FRMPD1: variants seen among roughly 807,000 people sequenced by gnomAD.
FRMPD1 encodes the protein FERM and PDZ domain containing 1.
FRMPD1 carries 76 observed loss-of-function variants against 117.8 expected under a neutral mutation model. The observed-to-expected ratio is 0.65, with a 90% CI of 0.54 to 0.78. The LOEUF (loss-of-function observed/expected upper bound fraction) is 0.78. Ranked by LOEUF, FRMPD1 falls within the 30% of genes least tolerant of loss-of-function variation. The pLI is 0.00. For synonymous variants in FRMPD1, 783 were observed against 770.4 expected, an observed-to-expected ratio of 1.02 and a Z score of -0.27; for missense variants, 1,786 against 1,964.5, an observed-to-expected ratio of 0.91 and a Z score of 1.72.
At chr9:37,705,960 A>AAAATAAATAAATAAAT (rs59737991) in intron 2 of FRMPD1, among the ~76,000 whole-genome samples, 58 of 139,100 alleles carry the variant, frequency 4.2e-4, no homozygotes, top group South Asian at 1.7e-3. Context: ...ACCCTCCCTC[A>AAAATAAATAAATAAAT]AAATAAATAA....
chr9:37,744,084 G>T (rs1443284130), intron 15 of FRMPD1, among the ~76,000 whole-genome samples: 1 of 151,942 alleles, frequency 6.6e-6, no homozygotes, highest in Non-Finnish European at 1.5e-5. Flanking sequence ...AGCTACTCCG[G>T]GGGGATGAGG....
chr9:37,675,313 C>T (rs1057064024), intron 1 of FRMPD1, among the ~76,000 whole-genome samples: 10 of 151,660 alleles, frequency 6.6e-5, no homozygotes, highest in African/African-American at 2.2e-4. Context: ...TCCAGCTACT[C>T]GGGTGGCTGA....
chr9:37,638,034 C>CTTTCTTTCTTTCTTTCTTTCTTTCT, the FRMPD1 span, among the ~76,000 whole-genome samples: 18 of 64,004 alleles, frequency 2.8e-4, 1 homozygote, highest in African/African-American at 1.1e-3. Context: ...CTCTCTCTTT[C>CTTTCTTTCTTTCTTTCTTTCTTTCT]TTCCTTTCTT....
intron 3 of FRMPD1, 35 bp downstream of exon 3, chr9:37,707,608 G>A: frequency 6.4e-7 from 1 of 1,573,526 alleles, no homozygotes; most frequent in Non-Finnish European, 8.7e-7. Context: ...AAGGAGTTTG[G>A]TTTCTTAAGG....
At chr9:37,687,075 G>A (rs905123243) in intron 1 of FRMPD1, among the ~76,000 whole-genome samples, 2 of 152,124 alleles carry the variant, frequency 1.3e-5, no homozygotes, top group African/African-American at 2.4e-5. Context: ...CGTCATCCTC[G>A]TGTCCCTTCT....
chr9:37,607,456 AG>A, the FRMPD1 span, among the ~76,000 whole-genome samples: 2 of 152,180 alleles, frequency 1.3e-5, no homozygotes, highest in South Asian at 2.1e-4. Context: ...AACAAGGATT[AG>A]GGGAAAAAGC....
Position 37,678,251 on chromosome 9 carries a change from C to CTTTT in FRMPD1, c.-4-14362_-4-14359dup, listed in dbSNP as rs34040451. 2.6e-3 allele frequency among the ~76,000 whole-genome samples: 206 copies of CTTTT among 79,818 alleles called. 19 individuals are homozygous for CTTTT. The highest frequency in any genetic ancestry group is 0.01 in the African/African-American group (197 of 19,390). 52.4% of individuals were successfully genotyped at this position (79,818 alleles called of 152,430 possible). A position where few individuals can be genotyped will look rare whatever the true frequency, so the allele number is the denominator to read the frequency against. Reference sequence around the variant, plus strand: ...CTCTTTTCCCCTCTAGTACTTACCACTTTTTTTTTTTTTTTTTTTTTTTTT... The same window carrying CTTTT: ...CTCTTTTCCCCTCTAGTACTTACCACTTTTTTTTTTTTTTTTTTTTTTTTTTTTT... On this transcript the variant is annotated intron_variant, in intron 1 of 15. Transcript: ENST00000377765.
intron 1 of FRMPD1, chr9:37,668,446 A>G (rs1408996192): frequency 1.3e-5 from 2 of 152,226 alleles, no homozygotes; most frequent in Non-Finnish European, 2.9e-5. Context: ...TTGTGGCCGC[A>G]ATGTTGGGAA....
the FRMPD1 span, among the ~76,000 whole-genome samples, chr9:37,610,794 G>T: frequency 6.6e-6 from 1 of 151,820 alleles, no homozygotes; most frequent in Non-Finnish European, 1.5e-5. Context: ...GCAGAGATGG[G>T]GTTTCTCCAT....
intron 1 of FRMPD1, among the ~76,000 whole-genome samples, chr9:37,657,984 T>C (rs1820890074): frequency 6.6e-6 from 1 of 152,058 alleles, no homozygotes; most frequent in Admixed American, 6.5e-5. Context: ...TCGGCAATGG[T>C]TGCCCCATTG....
At chr9:37,729,250 G>GCA in intron 7 of FRMPD1, among the ~76,000 whole-genome samples, 1 of 151,620 alleles carries the variant, frequency 6.6e-6, no homozygotes, top group African/African-American at 2.4e-5. Context: ...AGGCATGGTG[G>GCA]CATGTGCCTA....
At position 37,746,501 on chromosome 9, in the gene FRMPD1, T is replaced by A. The variant is rs1236447393; in HGVS notation, c.4469T>A (p.Val1490Glu). 6.2e-7 allele frequency: 1 copy of A among 1,613,564 alleles called. No individual in the cohort carries two copies. The highest frequency in any genetic ancestry group is 2.2e-5 in the East Asian group (1 of 44,892). ...DQSPEEMQGA[V>E]RDTFQHLVQL... ...TCCCCCGAAGAGATGCAGGGGGCCG[T>A]GCGTGACACCTTCCAGCACCTGGTC... The change falls in exon 16 of 16, where the codon GTG becomes GAG. Residue 1490 changes from valine (V) to glutamate (E), a missense_variant. Coordinates refer to ENST00000377765, the MANE Select transcript of FRMPD1 (RefSeq NM_014907.3).
At chr9:37,652,911 G>C (rs908909445) in intron 1 of FRMPD1, among the ~76,000 whole-genome samples, 1 of 152,212 alleles carries the variant, frequency 6.6e-6, no homozygotes, top group East Asian at 1.9e-4. Flanking sequence ...TCCAAGTGGA[G>C]ATATTGGAGA....
chr9:37,650,902 C>G (rs974069432), upstream of FRMPD1: 3 of 148,580 alleles, frequency 2.0e-5, no homozygotes, highest in Admixed American at 2.0e-4. Flanking sequence ...CGCCAGACGG[C>G]GCGGGCGCGG....
the FRMPD1 span, chr9:37,637,373 T>G: frequency 1.4e-6 from 1 of 728,740 alleles, no homozygotes; most frequent in Non-Finnish European, 2.5e-6. Flanking sequence ...CGCCGATGTT[T>G]TTTCAATTTT....
the FRMPD1 span, among the ~76,000 whole-genome samples, chr9:37,619,042 A>G: frequency 6.6e-6 from 1 of 152,176 alleles, no homozygotes; most frequent in Non-Finnish European, 1.5e-5. Context: ...ATGTGGAGTG[A>G]ATTATACTGA....
intron 1 of FRMPD1, 30 bp from the exon 2 acceptor site, chr9:37,692,608 G>A: frequency 4.3e-6 from 6 of 1,383,456 alleles, no homozygotes; most frequent in Non-Finnish European, 6.2e-6. Flanking sequence ...ATTTTGGTTA[G>A]CATCTTAAGA....
chr9:37,655,097 C>T (rs1368200876), intron 1 of FRMPD1, among the ~76,000 whole-genome samples: 5 of 152,196 alleles, frequency 3.3e-5, no homozygotes, highest in East Asian at 1.9e-4. Flanking sequence ...CCGCTTGCTG[C>T]GGGGTACCCT....
upstream of FRMPD1, among the ~76,000 whole-genome samples, chr9:37,647,510 C>CA (rs369681968): frequency 0.015 from 1,234 of 80,152 alleles, 12 homozygotes; most frequent in African/African-American, 0.036. Flanking sequence ...GACTCCGTTT[C>CA]AAAAAAAAAA....
Sources: gnomAD v4.1 joint callset for allele counts (sites outside exome capture counted in the v4.1 genomes callset) on GRCh38, gnomAD v4.1.1 for gene constraint, MANE v1.5 for transcripts, NCBI Gene and HGNC (gene_info 2026-07-23, HGNC 2026-07-21) for gene names.